Variants in SEMA3E observed in about 807,000 individuals in gnomAD.
SEMA3E encodes semaphorin 3E.
In SEMA3E, 49 loss-of-function variants were observed where a neutral mutation model predicts 93.6. The ratio of observed to expected loss-of-function variants is 0.52; its 90% confidence interval spans 0.42 to 0.66. The LOEUF (loss-of-function observed/expected upper bound fraction) is 0.66. SEMA3E is among the 30% of genes least tolerant of loss of function. The pLI is 0.00. For synonymous variants in SEMA3E, 363 were observed against 330.7 expected (o/e 1.10, Z -1.06); for missense variants, 906 against 964.8 (o/e 0.94, Z 0.81).
At chr7:83,415,283 A>C (rs1184357731) in intron 5 of SEMA3E, among the ~76,000 whole-genome samples, 2 of 152,160 alleles carry the variant, frequency 1.3e-5, no homozygotes, top group Non-Finnish European at 2.9e-5. Context: ...CTTCAAATAC[A>C]GTAGGAGTAA....
chr7:83,627,111 G>A (rs1296683071), intron 1 of SEMA3E, among the ~76,000 whole-genome samples: 1 of 152,148 alleles, frequency 6.6e-6, no homozygotes, highest in Non-Finnish European at 1.5e-5. Flanking sequence ...TTGCTGAGGA[G>A]TGTTTTACTT....
chr7:83,600,249 A>C (rs3823906), intron 1 of SEMA3E, among the ~76,000 whole-genome samples: 42,587 of 151,854 alleles, frequency 0.28, 6,584 homozygotes, highest in African/African-American at 0.4. Context: ...TTCAAAGTCC[A>C]TCTCAAATAA....
At chr7:83,629,013 C>T (rs1211714873) in intron 1 of SEMA3E, among the ~76,000 whole-genome samples, 1 of 152,026 alleles carries the variant, frequency 6.6e-6, no homozygotes, top group East Asian at 1.9e-4. Flanking sequence ...TTGCTTCCTG[C>T]TTGGGAGTTT....
intron 2 of SEMA3E, among the ~76,000 whole-genome samples, chr7:83,473,007 A>G (rs1273659924): frequency 6.6e-6 from 1 of 152,118 alleles, no homozygotes; most frequent in Admixed American, 6.5e-5. Flanking sequence ...GCAATGCTGA[A>G]CTGTGAGTCA....
intron 2 of SEMA3E, among the ~76,000 whole-genome samples, chr7:83,483,117 A>AG (rs952693198): frequency 4.6e-5 from 7 of 151,644 alleles, no homozygotes; most frequent in Admixed American, 3.3e-4. Context: ...CTCAGAAATC[A>AG]GAAAAAAAAA....
In SEMA3E at chr7:83,367,698, C is replaced by G. The variant is rs750426538; in HGVS notation, c.2216G>C (p.Arg739Thr). ...GGAGGGTGACATTTTAAGCTTTTTC[C>G]TCTTTCTATCTGTGCACCATACTTT... ...CEKVWCTDRKRKKLKMSPSKW... is the reference protein window; with the variant it reads ...CEKVWCTDRKTKKLKMSPSKW... Residue 739 changes from arginine to threonine, a missense_variant, in exon 17 of 17, where the codon AGG (arginine) becomes ACG (threonine). Transcript: ENST00000643230. 3 of 1,613,936 alleles carry G rather than the reference C, an allele frequency of 1.9e-6. No individual in the cohort carries two copies. The highest frequency in any genetic ancestry group is 1.7e-5 in the Admixed American group (1 of 59,986).
chr7:83,420,577 T>C (rs74853688), intron 4 of SEMA3E, among the ~76,000 whole-genome samples: 1 of 152,116 alleles, frequency 6.6e-6, no homozygotes, highest in East Asian at 1.9e-4. Flanking sequence ...CAAACTATAG[T>C]ACAAGACTAC....
chr7:83,586,361 T>C (rs73710805), intron 1 of SEMA3E, among the ~76,000 whole-genome samples: 2,026 of 152,190 alleles, frequency 0.013, 44 homozygotes, highest in African/African-American at 0.046. Flanking sequence ...AACAGTTACA[T>C]TGGCTGGATT....
intron 1 of SEMA3E, among the ~76,000 whole-genome samples, chr7:83,592,861 G>T (rs1232418769): frequency 6.6e-6 from 1 of 152,090 alleles, no homozygotes; most frequent in Non-Finnish European, 1.5e-5. Context: ...AGGAGGACAT[G>T]AATAAAATCA....
intron 4 of SEMA3E, among the ~76,000 whole-genome samples, chr7:83,438,901 T>C (rs913215591): frequency 2.6e-5 from 4 of 152,212 alleles, no homozygotes; most frequent in African/African-American, 9.6e-5. Context: ...AGAACCATCT[T>C]GACTCCAAGT....
In SEMA3E at chr7:83,570,320, G is replaced by A. The variant is rs906537781; in HGVS notation, c.115+78108C>T. 4.0e-5 allele frequency among the ~76,000 whole-genome samples: 6 copies of A among 151,718 alleles called. No homozygotes were observed. In the South Asian group the frequency reaches 6.3e-4, roughly 16 times the overall value. Reference sequence around the variant, plus strand: ...TGTAATCCCAGCACTTTGGGAGGCCGAGGCGGGCGGATCACGAGGTCAGGA... The same window carrying A: ...TGTAATCCCAGCACTTTGGGAGGCCAAGGCGGGCGGATCACGAGGTCAGGA... On this transcript the variant is annotated intron_variant, in intron 1 of 16. Coordinates refer to ENST00000643230, the MANE Select transcript of SEMA3E (RefSeq NM_012431.3).
At chr7:83,395,369 C>A (rs1788101059) in intron 12 of SEMA3E, among the ~76,000 whole-genome samples, 6 of 152,120 alleles carry the variant, frequency 3.9e-5, no homozygotes, top group South Asian at 4.1e-4. Context: ...TTTATAAAGT[C>A]TTTTCACATC....
At chr7:83,494,784 C>T (rs776883849) in intron 1 of SEMA3E, among the ~76,000 whole-genome samples, 1 of 151,922 alleles carries the variant, frequency 6.6e-6, no homozygotes, top group African/African-American at 2.4e-5. Flanking sequence ...AAATTTCCAG[C>T]TCCCACATCA....
rs1794690859 is a variant in SEMA3E at position 83,367,660 on chromosome 7, C to T, written c.2254G>A (p.Ala752Thr). Residue 752 changes from alanine (A) to threonine (T), a missense_variant, in exon 17 of 17, where the codon GCC (alanine) becomes ACC (threonine). Coordinates refer to ENST00000643230, the MANE Select transcript of SEMA3E (RefSeq NM_012431.3). ...CGGAGCTTCTTTTCCTGAGGGTTGGCATACTTCCACTTGGAGGGTGACATT... is the reference window on the plus strand; with the variant it reads ...CGGAGCTTCTTTTCCTGAGGGTTGGTATACTTCCACTTGGAGGGTGACATT... ...LKMSPSKWKY[A>T]NPQEKKLRSK... 4 of 1,614,148 alleles carry T rather than the reference C, an allele frequency of 2.5e-6. No homozygotes were observed. The East Asian group carries it at 8.9e-5, about 36-fold the overall frequency.
intron 16 of SEMA3E, 71 bp from the exon 17 acceptor site, chr7:83,368,109 C>G: frequency 7.3e-7 from 1 of 1,377,380 alleles, no homozygotes; most frequent in Non-Finnish European, 1.0e-6. Context: ...ACCCTTTCCA[C>G]TACCTATCTT....
At chr7:83,368,447 T>C (rs1345245428) in intron 16 of SEMA3E, among the ~76,000 whole-genome samples, 1 of 152,164 alleles carries the variant, frequency 6.6e-6, no homozygotes, top group African/African-American at 2.4e-5. Flanking sequence ...ACAGAACAAA[T>C]ACCACTTCCC....
intron 1 of SEMA3E, among the ~76,000 whole-genome samples, chr7:83,628,319 A>T (rs1236551583): frequency 6.6e-6 from 1 of 152,008 alleles, no homozygotes; most frequent in African/African-American, 2.4e-5. Context: ...TATTTCCTGA[A>T]TTTGAATGTT....
intron 2 of SEMA3E, among the ~76,000 whole-genome samples, chr7:83,488,836 AATTGTACTAC>A (rs1289676529): frequency 1.3e-5 from 2 of 152,268 alleles, no homozygotes; most frequent in South Asian, 4.1e-4. Flanking sequence ...AAAACTGGTA[AATTGTACTAC>A]ATTGAGAGGA....
At chr7:83,498,478 A>G (rs1190236848) in intron 1 of SEMA3E, among the ~76,000 whole-genome samples, 1 of 148,492 alleles carries the variant, frequency 6.7e-6, no homozygotes, top group African/African-American at 2.5e-5. Context: ...AAAATCAGGC[A>G]CATTCACTTT....
Sources: allele counts gnomAD v4.1 joint callset (sites outside exome capture counted in the v4.1 genomes callset), GRCh38; gene constraint gnomAD v4.1.1; transcripts MANE v1.5; gene names NCBI Gene and HGNC (gene_info 2026-07-23, HGNC 2026-07-21).